The following OTUD7B variants were observed in gnomAD, a reference collection of about 807,000 sequenced individuals.
The protein encoded by OTUD7B is OTU domain-containing protein 7B.
OTUD7B carries 34 observed loss-of-function variants against 82.2 expected under a neutral mutation model. The ratio of observed to expected loss-of-function variants is 0.41; its 90% CI spans 0.31 to 0.55. The LOEUF is 0.55. OTUD7B is among the 20% of genes least tolerant of loss of function. The pLI is 0.20. For synonymous variants in OTUD7B, 398 were observed against 402.7 expected (o/e 0.99, Z 0.14); for missense variants, 944 against 1,062.1 (o/e 0.89, Z 1.55).
In OTUD7B at chr1:149,960,744, G is replaced by A. The variant is rs374415939; in HGVS notation, c.733-948C>T. Among the ~76,000 whole-genome samples the A allele has an allele frequency of 6.6e-5, 10 of 151,596 alleles. No homozygotes were observed. In the East Asian group the frequency reaches 1.4e-3, roughly 21 times the overall value. On this transcript the variant is annotated intron_variant, in intron 6 of 11. Coordinates refer to ENST00000581312, the MANE Select transcript of OTUD7B (RefSeq NM_020205.4). ...CTACTGGAGACTGCCACCTGCCCAT[G>A]GCTACCTCAAACTCTGTAAAGTCAA...
rs2305388 is a variant in OTUD7B, at chr1:149,949,789, C to T, written c.974-11G>A. 4.9e-4 allele frequency: 798 copies of T among 1,612,124 alleles called. 16 individuals carry two copies. In the East Asian group the frequency reaches 0.018, roughly 35 times the overall value. ...GAATAGGGGCAAATGCTGCAGGAAG[C>T]CATGAAGATTATTATGAAGGCTGTG... On this transcript the variant is annotated splice_polypyrimidine_tract_variant and intron_variant, in intron 8 of 11. Transcript: ENST00000581312.
At chr1:150,065,513 A>T in the OTUD7B span, among the ~76,000 whole-genome samples, 3 of 152,140 alleles carry the variant, frequency 2.0e-5, no homozygotes, top group East Asian at 5.8e-4. Context: ...TTATTTTTTA[A>T]ATTTAATGTC....
the OTUD7B span, among the ~76,000 whole-genome samples, chr1:150,040,124 C>T: frequency 4.6e-5 from 7 of 152,332 alleles, no homozygotes; most frequent in East Asian, 7.7e-4. Context: ...TAGCCTACAT[C>T]AAATTAAGGA....
the OTUD7B span, among the ~76,000 whole-genome samples, chr1:150,037,682 C>T: frequency 8.5e-5 from 13 of 152,124 alleles, no homozygotes; most frequent in Admixed American, 3.3e-4. Context: ...CTCCACCTCC[C>T]GGATTCAAGC....
At chr1:150,031,643 T>C in the OTUD7B span, among the ~76,000 whole-genome samples, 1 of 152,216 alleles carries the variant, frequency 6.6e-6, no homozygotes, top group East Asian at 1.9e-4. Context: ...GGTTTTAATA[T>C]AGCATAGTAG....
In OTUD7B at chr1:149,964,400, T is replaced by G. The variant is rs781895045; in HGVS notation, c.605-51A>C. On this transcript the variant is annotated intron_variant, in intron 5 of 11. Coordinates refer to ENST00000581312, the MANE Select transcript of OTUD7B (RefSeq NM_020205.4). Reference sequence around the variant, plus strand: ...GATACCTCAGCTTGACTCTGCTAATTTTTGTATTTTTAGTAGAGATGGGGT... The same window carrying G: ...GATACCTCAGCTTGACTCTGCTAATGTTTGTATTTTTAGTAGAGATGGGGT... 1.1e-5 allele frequency: 18 copies of G among 1,582,522 alleles called. 1 individual carries two copies. The South Asian group carries it at 2.0e-4, about 18-fold the overall frequency.
At chr1:149,970,539 G>A (rs1649844517) in intron 3 of OTUD7B, among the ~76,000 whole-genome samples, 1 of 151,774 alleles carries the variant, frequency 6.6e-6, no homozygotes, top group South Asian at 2.1e-4. Context: ...GACTGGTCTC[G>A]AACTCCTGAC....
intron 1 of OTUD7B, among the ~76,000 whole-genome samples, chr1:149,992,669 G>A (rs1272039671): frequency 1.3e-5 from 2 of 151,596 alleles, no homozygotes; most frequent in Admixed American, 6.6e-5. Context: ...ACGGGGTTTG[G>A]CCATGTTGGC....
chr1:149,949,981 C>CT, intron 8 of OTUD7B, 113 bp downstream of exon 8: 1 of 1,457,142 alleles, frequency 6.9e-7, no homozygotes, highest in Non-Finnish European at 9.3e-7. Context: ...TGATAACTTG[C>CT]TTTTTCCCCA....
the OTUD7B span, among the ~76,000 whole-genome samples, chr1:150,058,352 A>G: frequency 1.3e-5 from 2 of 152,124 alleles, no homozygotes; most frequent in Admixed American, 1.3e-4. Flanking sequence ...ACAAAAAAAT[A>G]CAAATAAATT....
In OTUD7B at chr1:149,942,814, T is replaced by C. The variant is rs1273062892; in HGVS notation, c.*1043A>G. On this transcript the variant is annotated 3_prime_UTR_variant, in exon 12 of 12. Transcript: ENST00000581312. ...AAATCATTTTTTAAATGTTTTTGCT[T>C]GCTGGGGTCTTTTTATTTCTTTTCC... The C allele has an allele frequency of 3.3e-5, 5 of 152,554 alleles. No homozygotes were observed. The highest frequency in any genetic ancestry group is 1.2e-4 in the African/African-American group (5 of 41,414). The allele number at this position is 152,554 out of a possible 1,614,324, so 9.5% of individuals were successfully genotyped here. A position where few individuals can be genotyped will look rare whatever the true frequency, so the allele number is the denominator to read the frequency against.
In OTUD7B at chr1:149,944,284, G is replaced by T. The variant is rs1647509687; in HGVS notation, c.2105C>A (p.Ser702Tyr). The change falls in exon 12 of 12, where the codon TCT becomes TAT. Residue 702 changes from serine to tyrosine, a missense_variant. Physicochemically the swap from Ser to Tyr is moderately radical, Grantham distance 144. Coordinates refer to ENST00000581312, the MANE Select transcript of OTUD7B (RefSeq NM_020205.4). ...TTCCTGGCAGTGGACTCCGCCCCCAGACGGCCGAGGGATAGTAAAGTCCCC... is the reference window on the plus strand; with the variant it reads ...TTCCTGGCAGTGGACTCCGCCCCCATACGGCCGAGGGATAGTAAAGTCCCC... ...YPGDFTIPRP[S>Y]GGGVHCQEPR... 1.2e-6 allele frequency: 2 copies of T among 1,610,482 alleles called. No individual in the cohort carries two copies. Among genetic ancestry groups the T allele is most frequent in the Non-Finnish European group, 1.7e-6 (2 of 1,177,860 alleles).
chr1:150,009,918 C>T (rs1371644462), intron 1 of OTUD7B, among the ~76,000 whole-genome samples: 1 of 151,970 alleles, frequency 6.6e-6, no homozygotes, highest in Admixed American at 6.6e-5. Context: ...TAGAATCCGT[C>T]AACCTCCGTC....
At chr1:150,042,414 C>T in the OTUD7B span, among the ~76,000 whole-genome samples, 1 of 151,840 alleles carries the variant, frequency 6.6e-6, no homozygotes, top group Non-Finnish European at 1.5e-5. Context: ...CTCAGGTGAT[C>T]CGCCCCCGCT....
intron 1 of OTUD7B, among the ~76,000 whole-genome samples, chr1:149,997,381 C>G (rs1381283111): frequency 6.6e-6 from 1 of 152,116 alleles, no homozygotes; most frequent in Non-Finnish European, 1.5e-5. Context: ...GTAATAAGAT[C>G]TATGTCAGTA....
the OTUD7B span, among the ~76,000 whole-genome samples, chr1:150,040,859 G>A: frequency 5.3e-5 from 8 of 151,732 alleles, no homozygotes; most frequent in South Asian, 6.3e-4. Flanking sequence ...ACAGGTTCCC[G>A]CCACCATGCC....
chr1:149,996,189 G>A (rs1339293952), intron 1 of OTUD7B, among the ~76,000 whole-genome samples: 2 of 152,170 alleles, frequency 1.3e-5, no homozygotes, highest in East Asian at 3.8e-4. Flanking sequence ...CATTCTCCTA[G>A]TTCTCAAAGC....
chr1:149,976,839 G>A (rs1650353587), intron 2 of OTUD7B, among the ~76,000 whole-genome samples: 1 of 151,658 alleles, frequency 6.6e-6, no homozygotes, highest in Non-Finnish European at 1.5e-5. Flanking sequence ...TATGCTTTTA[G>A]GCCGGGCACA....
chr1:150,039,722 T>C, the OTUD7B span, among the ~76,000 whole-genome samples: 1 of 152,240 alleles, frequency 6.6e-6, no homozygotes, highest in Non-Finnish European at 1.5e-5. Flanking sequence ...TATACTTTCT[T>C]TCTCATATAA....
Sources: allele counts gnomAD v4.1 joint callset (sites outside exome capture counted in the v4.1 genomes callset), GRCh38; gene constraint gnomAD v4.1.1; transcripts MANE v1.5; gene names NCBI Gene and HGNC (gene_info 2026-07-23, HGNC 2026-07-21).